Variants in C5 observed in about 807,000 individuals in gnomAD.
C5 encodes the protein C3 and PZP-like alpha-2-macroglobulin domain-containing protein 4.
C5 carries 140 observed loss-of-function variants against 218.8 expected under a neutral mutation model. That is an observed-to-expected ratio of 0.64 (90% confidence interval 0.56 to 0.74). The LOEUF (loss-of-function observed/expected upper bound fraction) is 0.74. C5 is among the 30% of genes least tolerant of loss of function. The pLI is 0.00. For missense variants in C5, 1,700 were observed against 1,969.6 expected (o/e 0.86, Z 2.59); for synonymous variants, 614 against 682.3 (o/e 0.90, Z 1.56).
intron 27 of C5, 49 bp downstream of exon 27, chr9:120,981,795 T>C: frequency 3.2e-6 from 4 of 1,243,276 alleles, no homozygotes; most frequent in East Asian, 4.6e-5. Flanking sequence ...CTCCAGTATA[T>C]AGTACAGAAA....
At chr9:121,071,511 C>A in the C5 span, among the ~76,000 whole-genome samples, 1 of 152,078 alleles carries the variant, frequency 6.6e-6, no homozygotes, top group Non-Finnish European at 1.5e-5. Flanking sequence ...ACAGCAAGAC[C>A]CCATCTTTAC....
intron 39 of C5, among the ~76,000 whole-genome samples, chr9:120,956,584 G>T (rs2046786501): frequency 6.6e-6 from 1 of 152,054 alleles, no homozygotes; most frequent in African/African-American, 2.4e-5. Flanking sequence ...AACAAAGAAA[G>T]AACTTGAATA....
chr9:120,965,144 G>T (rs2046857536), intron 33 of C5, among the ~76,000 whole-genome samples: 2 of 152,164 alleles, frequency 1.3e-5, no homozygotes, highest in African/African-American at 4.8e-5. Flanking sequence ...CTACAGGTAT[G>T]AATGTTGGTG....
chr9:121,027,435 T>A (rs1354314797), intron 7 of C5, among the ~76,000 whole-genome samples, 161 bp from the exon 8 acceptor site: 1 of 152,184 alleles, frequency 6.6e-6, no homozygotes, highest in Non-Finnish European at 1.5e-5. Flanking sequence ...GCTACCTGAC[T>A]TCAAACTATA....
At chr9:121,067,261 C>T in the C5 span, among the ~76,000 whole-genome samples, 1 of 151,212 alleles carries the variant, frequency 6.6e-6, no homozygotes, top group Non-Finnish European at 1.5e-5. Flanking sequence ...GAGTAAAACT[C>T]CATCTCAAAA....
intron 33 of C5, among the ~76,000 whole-genome samples, chr9:120,965,812 G>C (rs930250861): frequency 6.6e-6 from 1 of 152,160 alleles, no homozygotes. Flanking sequence ...CCCGAGTGGA[G>C]AGTGTCTATG....
intron 8 of C5, 133 bp downstream of exon 8, chr9:121,027,027 G>A (rs773850011): frequency 7.3e-6 from 5 of 688,454 alleles, no homozygotes; most frequent in Non-Finnish European, 1.3e-5. Flanking sequence ...AAAGGCAAAG[G>A]GAAGCCAATG....
chr9:120,961,585 G>A lies in C5; in HGVS notation c.4505-20C>T. The A allele has an allele frequency of 2.0e-6, 3 of 1,470,714 alleles. No homozygotes were observed. The highest frequency in any genetic ancestry group is 2.9e-6 in the Non-Finnish European group (3 of 1,049,528). The allele number at this position is 1,470,714 out of a possible 1,614,324, so 91.1% of individuals were successfully genotyped here. On this transcript the variant is annotated intron_variant, in intron 36 of 40. Transcript: ENST00000223642. ...GTTTATCTGTGGCAACAAAAGTGTG[G>A]TTAAGAGAAGTGGTTTGATTGAAGA...
chr9:120,974,660 A>C, intron 30 of C5, 119 bp downstream of exon 30: 1 of 977,560 alleles, frequency 1.0e-6, no homozygotes, highest in Non-Finnish European at 1.6e-6. Context: ...TTTAGGACAT[A>C]GCTGACACTC....
chr9:120,960,470 T>C (rs1379001801), intron 37 of C5, 133 bp from the exon 38 acceptor site: 5 of 660,512 alleles, frequency 7.6e-6, no homozygotes, highest in Non-Finnish European at 1.4e-5. Context: ...TTCTAAGACC[T>C]GCCCATTTTC....
At chr9:120,980,329 C>A in intron 27 of C5, 75 bp from the exon 28 acceptor site, 2 of 1,309,192 alleles carry the variant, frequency 1.5e-6, no homozygotes, top group Non-Finnish European at 2.2e-6. Flanking sequence ...ACCCTCAGAT[C>A]CCACTATCCT....
intron 40 of C5, among the ~76,000 whole-genome samples, chr9:120,953,209 C>T (rs10985106): frequency 0.054 from 8,270 of 152,178 alleles, 662 homozygotes; most frequent in African/African-American, 0.18. Flanking sequence ...CAGGTGTGAG[C>T]CACCGTGCCC....
At chr9:121,007,694 T>G (rs2047227097) in intron 18 of C5, among the ~76,000 whole-genome samples, 1 of 152,244 alleles carries the variant, frequency 6.6e-6, no homozygotes, top group Admixed American at 6.5e-5. Context: ...CAAGTCATTA[T>G]AATACAATAT....
At position 121,018,615 on chromosome 9, in the gene C5, A is replaced by AAGGC. The variant is rs1248241784; in HGVS notation, c.1507-767_1507-764dup. On this transcript the variant is annotated intron_variant, in intron 12 of 40. Coordinates refer to ENST00000223642, the MANE Select transcript of C5 (RefSeq NM_001735.3). Reference sequence around the variant, plus strand: ...GAAGGAAGGAAGGAAGGAAGGAAGGAAGGCAAGAAAGAAGGGAGGGAGGGA... The same window carrying AAGGC: ...GAAGGAAGGAAGGAAGGAAGGAAGGAAGGCAGGCAAGAAAGAAGGGAGGGAGGGA... Among the ~76,000 whole-genome samples the AAGGC allele has an allele frequency of 3.5e-4, 31 of 87,750 alleles. 1 individual carries two copies. The highest frequency in any genetic ancestry group is 6.0e-4 in the Admixed American group (5 of 8,268). The allele number at this position is 87,750 out of a possible 152,430, so 57.6% of individuals were successfully genotyped here. A position where few individuals can be genotyped will look rare whatever the true frequency, so the allele number is the denominator to read the frequency against.
At chr9:121,021,328 C>T (rs2047363426) in intron 11 of C5, among the ~76,000 whole-genome samples, 181 bp downstream of exon 11, 1 of 152,140 alleles carries the variant, frequency 6.6e-6, no homozygotes, top group Non-Finnish European at 1.5e-5. Flanking sequence ...TTATCTTCCT[C>T]AAGGACCATT....
At chr9:120,976,377 A>C in intron 29 of C5, among the ~76,000 whole-genome samples, 1 of 152,226 alleles carries the variant, frequency 6.6e-6, no homozygotes. Flanking sequence ...ATTACATAGG[A>C]TATGATATAA....
chr9:120,999,291 G>A (rs565523547), intron 20 of C5, among the ~76,000 whole-genome samples: 2 of 152,292 alleles, frequency 1.3e-5, no homozygotes, highest in South Asian at 4.1e-4. Context: ...TAGAGAGTGG[G>A]AGGGAAAGTG....
At position 120,953,854 on chromosome 9, in the gene C5, C is replaced by T. The variant is rs756753151; in HGVS notation, c.4777G>A (p.Glu1593Lys). 6.2e-7 allele frequency: 1 copy of T among 1,614,082 alleles called. No individual in the cohort carries two copies. The highest frequency in any genetic ancestry group is 8.5e-7 in the Non-Finnish European group (1 of 1,179,940). Reference sequence around the variant, plus strand: ...ATGAAGGTAATCTCAGAGTCTTTCTCAGCAACAGCTTCCCCTGAGAGACAT... The same window carrying T: ...ATGAAGGTAATCTCAGAGTCTTTCTTAGCAACAGCTTCCCCTGAGAGACAT... ...DIYKTGEAVA[E>K]KDSEITFIKK... The change falls in exon 40 of 41, where the codon GAG (glutamate) becomes AAG (lysine). Residue 1593 changes from glutamate to lysine, a missense_variant. Transcript: ENST00000223642.
At chr9:121,000,058 CAA>C (rs56914253) in intron 20 of C5, 903 of 170,438 alleles carry the variant, frequency 5.3e-3, no homozygotes, top group South Asian at 0.015. Flanking sequence ...GACTCTGTCT[CAA>C]AAAAAAAAAA....
Sources: gnomAD v4.1 joint callset for allele counts (sites outside exome capture counted in the v4.1 genomes callset) on GRCh38, gnomAD v4.1.1 for gene constraint, MANE v1.5 for transcripts, NCBI Gene and HGNC (gene_info 2026-07-23, HGNC 2026-07-21) for gene names.